Variants in TLCD4 observed in about 807,000 individuals in gnomAD.
TLCD4 encodes TLC domain-containing protein 4.
A neutral mutation model predicts 24.2 loss-of-function variants in TLCD4; 7 were observed. The ratio of observed to expected loss-of-function variants is 0.29; its 90% confidence interval spans 0.16 to 0.54. The LOEUF (loss-of-function observed/expected upper bound fraction) is 0.54. TLCD4 is among the 20% of genes least tolerant of loss of function. The pLI, the probability that TLCD4 is intolerant of heterozygous loss-of-function variation, is 0.95. For missense variants in TLCD4, 259 were observed against 313.9 expected (o/e 0.82, Z 1.32); for synonymous variants, 103 against 106.4 (o/e 0.97, Z 0.20).
intron 6 of TLCD4, among the ~76,000 whole-genome samples, chr1:95,184,723 C>T (rs1400754870): frequency 6.6e-6 from 1 of 152,166 alleles, no homozygotes; most frequent in Non-Finnish European, 1.5e-5. Context: ...ATGTTTTCCT[C>T]CCTTCCCCTC....
chr1:95,116,453 A>G (rs1476301281), upstream of TLCD4, among the ~76,000 whole-genome samples: 1 of 152,226 alleles, frequency 6.6e-6, no homozygotes, highest in Admixed American at 6.5e-5. Context: ...TGTTAGCTCT[A>G]TTGACATTTC....
intron 5 of TLCD4, among the ~76,000 whole-genome samples, chr1:95,170,591 A>G (rs1237288652): frequency 4.6e-5 from 7 of 152,108 alleles, no homozygotes; most frequent in Non-Finnish European, 1.0e-4. Flanking sequence ...GGCCTCCCAA[A>G]GTATTGGGAT....
In TLCD4 at chr1:95,117,413, G is replaced by A. The variant is rs559213955; in HGVS notation, c.-216G>A. The A allele has an allele frequency of 6.6e-6, 1 of 152,168 alleles. No individual in the cohort carries two copies. The highest frequency in any genetic ancestry group is 1.5e-5 in the Non-Finnish European group (1 of 68,060). 9.4% of individuals were successfully genotyped at this position (152,168 alleles called of 1,614,324 possible). A position where few individuals can be genotyped will look rare whatever the true frequency, so the allele number is the denominator to read the frequency against. On this transcript the variant is annotated 5_prime_UTR_variant, in exon 1 of 7. Transcript: ENST00000370203. ...TCCGGGCGGGCGCGACGGCCGCCGC[G>A]GTAGCTGGAGCCTCCGCGACTGCAC...
chr1:95,116,603 T>G (rs559319169), upstream of TLCD4, among the ~76,000 whole-genome samples: 3 of 152,338 alleles, frequency 2.0e-5, no homozygotes, highest in Non-Finnish European at 4.4e-5. Context: ...TTTGTTTTGT[T>G]TCAGACAATT....
the TLCD4 span, among the ~76,000 whole-genome samples, chr1:95,108,704 CAT>C: frequency 6.6e-6 from 1 of 152,234 alleles, no homozygotes; most frequent in African/African-American, 2.4e-5. Context: ...CAGAATGAGA[CAT>C]AGATTTAACT....
chr1:95,137,079 A>G (rs1677063350), intron 1 of TLCD4, among the ~76,000 whole-genome samples: 2 of 152,278 alleles, frequency 1.3e-5, no homozygotes, highest in African/African-American at 2.4e-5. Flanking sequence ...GGCAGAACCT[A>G]TAGTATGCAG....
At chr1:95,103,181 G>A in the TLCD4 span, among the ~76,000 whole-genome samples, 48 of 152,116 alleles carry the variant, frequency 3.2e-4, no homozygotes, top group African/African-American at 1.1e-3. Context: ...GTTTCACCAC[G>A]TTGGCTGGGC....
intron 1 of TLCD4, among the ~76,000 whole-genome samples, chr1:95,129,213 A>T (rs1676823276): frequency 6.6e-6 from 1 of 152,230 alleles, no homozygotes; most frequent in Admixed American, 6.5e-5. Context: ...AGGAGGTGTC[A>T]GTTGCCAGGG....
chr1:95,166,935 A>G (rs992287404), intron 5 of TLCD4, among the ~76,000 whole-genome samples: 1 of 151,876 alleles, frequency 6.6e-6, no homozygotes, highest in Non-Finnish European at 1.5e-5. Flanking sequence ...GGGTCTTACT[A>G]TGTTGACCAG....
chr1:95,169,773 G>C (rs1011032284), intron 5 of TLCD4, among the ~76,000 whole-genome samples: 1 of 152,012 alleles, frequency 6.6e-6, no homozygotes, highest in Non-Finnish European at 1.5e-5. Context: ...CAAACTTCTG[G>C]GTTCACATGA....
chr1:95,149,979 A>T (rs1265322843), intron 3 of TLCD4, among the ~76,000 whole-genome samples: 1 of 152,156 alleles, frequency 6.6e-6, no homozygotes, highest in Admixed American at 6.6e-5. Context: ...CTATCTTACT[A>T]TGTAAGATAA....
intron 1 of TLCD4, among the ~76,000 whole-genome samples, chr1:95,129,774 T>C (rs1251564484): frequency 6.6e-6 from 1 of 152,204 alleles, no homozygotes; most frequent in East Asian, 1.9e-4. Flanking sequence ...TATATGAACA[T>C]AGGGCTTCTT....
At chr1:95,144,433 T>C (rs925381591) in intron 2 of TLCD4, among the ~76,000 whole-genome samples, 5 of 152,292 alleles carry the variant, frequency 3.3e-5, no homozygotes, top group East Asian at 1.9e-4. Context: ...CCATACAGCA[T>C]TGGCCAACTT....
chr1:95,188,471 G>T (rs1678910665), intron 6 of TLCD4, among the ~76,000 whole-genome samples: 1 of 151,982 alleles, frequency 6.6e-6, no homozygotes, highest in East Asian at 1.9e-4. Context: ...GAGGACTAGG[G>T]GTTTATGCTT....
intron 5 of TLCD4, among the ~76,000 whole-genome samples, chr1:95,152,047 T>C (rs1677508410): frequency 6.6e-6 from 1 of 152,116 alleles, no homozygotes; most frequent in Non-Finnish European, 1.5e-5. Context: ...ACCAACAAGC[T>C]CAAGGTAGAT....
chr1:95,118,753 G>T (rs1485919983), intron 1 of TLCD4, among the ~76,000 whole-genome samples: 3 of 152,144 alleles, frequency 2.0e-5, no homozygotes, highest in Non-Finnish European at 1.5e-5. Context: ...TTTTAATTGT[G>T]CTATATATGA....
intron 2 of TLCD4, among the ~76,000 whole-genome samples, chr1:95,148,170 A>G (rs1380374769): frequency 6.6e-6 from 1 of 152,240 alleles, no homozygotes; most frequent in African/African-American, 2.4e-5. Flanking sequence ...GCAATAGTGC[A>G]TGTCAACGTA....
chr1:95,140,233 A>G (rs1181276640), intron 1 of TLCD4, among the ~76,000 whole-genome samples: 1 of 152,216 alleles, frequency 6.6e-6, no homozygotes. Flanking sequence ...ACATAATTGT[A>G]TGTGCTAGAC....
intron 6 of TLCD4, among the ~76,000 whole-genome samples, chr1:95,177,841 CTT>C (rs1245345253): frequency 6.6e-6 from 1 of 151,734 alleles, no homozygotes; most frequent in East Asian, 1.9e-4. Context: ...TGAAGCCTCT[CTT>C]GCTACAAATT....
Sources: gnomAD v4.1 joint callset for allele counts (sites outside exome capture counted in the v4.1 genomes callset) on GRCh38, gnomAD v4.1.1 for gene constraint, MANE v1.5 for transcripts, NCBI Gene and HGNC (gene_info 2026-07-23, HGNC 2026-07-21) for gene names.